The following OSBPL5 variants were observed in gnomAD, a reference collection of about 807,000 sequenced individuals.
OSBPL5 encodes oxysterol-binding protein-related protein 5.
OSBPL5 carries 71 observed loss-of-function variants against 111.2 expected under a neutral mutation model. The observed-to-expected ratio is 0.64, with a 90% CI of 0.53 to 0.78. OSBPL5 has a LOEUF of 0.78. Among genes scored for constraint, OSBPL5 ranks in the 30% least tolerant of loss-of-function variants. OSBPL5 has a pLI of 0.00. For missense variants in OSBPL5, 1,210 were observed against 1,189.3 expected, an observed-to-expected ratio of 1.02 and a Z score of -0.26; for synonymous variants, 549 against 513.9, an observed-to-expected ratio of 1.07 and a Z score of -0.93.
rs1857711888 is a variant in OSBPL5 at position 3,106,871 on chromosome 11, C to T, written c.1059+392G>A. Among the ~76,000 whole-genome samples, 2 of 152,160 alleles carry T rather than the reference C, an allele frequency of 1.3e-5. No homozygotes were observed. Among genetic ancestry groups the T allele is most frequent in the Admixed American group, 6.5e-5 (1 of 15,284 alleles). ...CACCAGGTGTGCAGGTGCCTGTGAG[C>T]ATGGGACTCAGGTCCACACGCCCTC... On this transcript the variant is annotated intron_variant, in intron 9 of 21. Coordinates refer to ENST00000263650, the MANE Select transcript of OSBPL5 (RefSeq NM_020896.4). This position sits in a 1 kb window ranked among gnomAD's most constrained non-coding sequence, Gnocchi z 8.4.
chr11:3,160,613 C>T (rs1846930931), intron 1 of OSBPL5, among the ~76,000 whole-genome samples: 1 of 152,202 alleles, frequency 6.6e-6, no homozygotes, highest in Admixed American at 6.5e-5. Flanking sequence ...GGATGCTCCG[C>T]CCCAACACCA....
In OSBPL5 at chr11:3,087,936, G is replaced by C. The variant is rs963925466; in HGVS notation, c.*269C>G. On this transcript the variant is annotated 3_prime_UTR_variant, in exon 22 of 22. Coordinates refer to ENST00000263650, the MANE Select transcript of OSBPL5 (RefSeq NM_020896.4). ...GGGGGTGACACGGCAAGATGGCCAG[G>C]AGTGCGTCGCACAGCAGAAGCTGCA... 9.8e-5 allele frequency: 32 copies of C among 326,212 alleles called. No homozygotes were observed. The highest frequency in any genetic ancestry group is 1.4e-4 in the Non-Finnish European group (26 of 180,150). 20.2% of individuals were successfully genotyped at this position (326,212 alleles called of 1,614,324 possible).
rs545566839 is a variant in OSBPL5, at chr11:3,129,756, A to T, written c.-21-587T>A. Among the ~76,000 whole-genome samples, 17 of 152,252 alleles carry T rather than the reference A, an allele frequency of 1.1e-4. No homozygotes were observed. In the South Asian group the frequency reaches 3.5e-3, roughly 32 times the overall value. The stretch of plus-strand genomic sequence containing the variant: ...TGGGTGCCCCAACAGTTTCAGTTGC[A>T]CCCACATGCACCCCAGCAAGAGAGG... On this transcript the variant is annotated intron_variant, in intron 1 of 21. Coordinates refer to ENST00000263650, the MANE Select transcript of OSBPL5 (RefSeq NM_020896.4).
At chr11:3,156,069 G>T (rs1426578009) in intron 1 of OSBPL5, among the ~76,000 whole-genome samples, 1 of 152,232 alleles carries the variant, frequency 6.6e-6, no homozygotes, top group Non-Finnish European at 1.5e-5. Flanking sequence ...GCAGAGTAAG[G>T]GTGGGGGTAG....
intron 1 of OSBPL5, among the ~76,000 whole-genome samples, chr11:3,160,672 T>TCCCCCCCCCCCCCCCCCCCC (rs71035491): frequency 3.3e-5 from 4 of 122,442 alleles, no homozygotes; most frequent in South Asian, 3.2e-4. Flanking sequence ...ATGACAACCC[T>TCCCCCCCCCCCCCCCCCCCC]CCCCCCCCCC....
intron 1 of OSBPL5, 142 bp from the exon 2 acceptor site, chr11:3,129,311 G>T: frequency 1.3e-6 from 1 of 776,306 alleles, no homozygotes; most frequent in Non-Finnish European, 1.8e-6. Flanking sequence ...GGCCCTGGGA[G>T]CCTGGTGGTG....
intron 3 of OSBPL5, among the ~76,000 whole-genome samples, chr11:3,124,731 C>A (rs1452335110): frequency 1.3e-5 from 2 of 152,138 alleles, no homozygotes; most frequent in Non-Finnish European, 1.5e-5. Context: ...GTGGCTTCCA[C>A]CAGGGGAGGG....
At chr11:3,134,193 C>T (rs763047033) in intron 1 of OSBPL5, among the ~76,000 whole-genome samples, 2 of 152,212 alleles carry the variant, frequency 1.3e-5, no homozygotes, top group Non-Finnish European at 2.9e-5. Flanking sequence ...TCCAATGTCA[C>T]ATCAGATGCT....
Position 3,107,521 on chromosome 11 carries a change from G to T in OSBPL5, c.867-66C>A. 1 of 1,550,502 alleles carries T rather than the reference G, an allele frequency of 6.4e-7. No individual in the cohort carries two copies. The highest frequency in any genetic ancestry group is 8.9e-7 in the Non-Finnish European group (1 of 1,129,904). On this transcript the variant is annotated intron_variant, in intron 8 of 21. Transcript: ENST00000263650. This position sits in a 1 kb window ranked among gnomAD's most constrained non-coding sequence, Gnocchi z 6.1. The stretch of plus-strand genomic sequence containing the variant: ...AGAGCCCAGCACAGCCCTCTGGGCT[G>T]CCCACCCCTCGCTGCTCCGCACTTC...
rs1040019186 is a variant in OSBPL5, at chr11:3,109,738, G to C, written c.692-1793C>G. Among the ~76,000 whole-genome samples, 1 of 152,180 alleles carries C rather than the reference G, an allele frequency of 6.6e-6. No individual in the cohort carries two copies. Among genetic ancestry groups the C allele is most frequent in the Admixed American group, 6.5e-5 (1 of 15,290 alleles). On this transcript the variant is annotated intron_variant, in intron 7 of 21. Transcript: ENST00000263650. The surrounding 1 kb of genome is among the most constrained non-coding windows in gnomAD (Gnocchi z 7.4). ...TGGGGGAGGGATGGCAGTGGATGGTGGTGGGGAGCTGGAGGGGTCACAACT... is the reference window on the plus strand; with the variant it reads ...TGGGGGAGGGATGGCAGTGGATGGTCGTGGGGAGCTGGAGGGGTCACAACT...
chr11:3,127,900 G>A (rs2121436), intron 2 of OSBPL5, among the ~76,000 whole-genome samples: 100,340 of 152,050 alleles, frequency 0.66, 33,609 homozygotes, highest in African/African-American at 0.71. Context: ...TTCCCAGCAC[G>A]TCTTCTGCAC....
chr11:3,093,389 A>G, intron 17 of OSBPL5, 138 bp downstream of exon 17: 2 of 1,334,458 alleles, frequency 1.5e-6, no homozygotes, highest in South Asian at 2.8e-5. Context: ...GTGATCTGCC[A>G]CCAGGGGTGC....
In OSBPL5 at chr11:3,092,009, GT is replaced by G. The variant is rs1450721823; in HGVS notation, c.2259+422del. Among the ~76,000 whole-genome samples, 1 of 152,178 alleles carries G rather than the reference GT, an allele frequency of 6.6e-6. No individual in the cohort carries two copies. The highest frequency in any genetic ancestry group is 2.4e-5 in the African/African-American group (1 of 41,446). ...GACACACCCAAGGCAGCTTCCTCAG[GT>G]TACTCCCTGGAGCCTCCTGCTGTCC... On this transcript the variant is annotated intron_variant, in intron 19 of 21. Coordinates refer to ENST00000263650, the MANE Select transcript of OSBPL5 (RefSeq NM_020896.4). This position sits in a 1 kb window ranked among gnomAD's most constrained non-coding sequence, Gnocchi z 5.4.
At position 3,161,608 on chromosome 11, in the gene OSBPL5, G is replaced by A. The variant is rs1846969811; in HGVS notation, c.-22+3608C>T. The stretch of plus-strand genomic sequence containing the variant: ...AGCAGACTTGCAGGCAACCGTGCAT[G>A]GGGACAGACACCGCGCACCAGCGGC... On this transcript the variant is annotated intron_variant, in intron 1 of 21. Transcript: ENST00000263650. The surrounding 1 kb of genome is among the most constrained non-coding windows in gnomAD (Gnocchi z 8.0). 6.6e-6 allele frequency among the ~76,000 whole-genome samples: 1 copy of A among 152,200 alleles called. No individual in the cohort carries two copies. Among genetic ancestry groups the A allele is most frequent in the Non-Finnish European group, 1.5e-5 (1 of 68,032 alleles).
In OSBPL5 at chr11:3,121,096, G is replaced by A. The variant is rs914405711; in HGVS notation, c.403-472C>T. On this transcript the variant is annotated intron_variant, in intron 5 of 21. Coordinates refer to ENST00000263650, the MANE Select transcript of OSBPL5 (RefSeq NM_020896.4). This position sits in a 1 kb window ranked among gnomAD's most constrained non-coding sequence, Gnocchi z 4.3. ...TTTTTTTTGAGACAGAGTCTCTGTT[G>A]CCCAGGCTGGAGGTGCAGTGGTGCT... Among the ~76,000 whole-genome samples, 26 of 134,234 alleles carry A rather than the reference G, an allele frequency of 1.9e-4. No individual in the cohort carries two copies. Among genetic ancestry groups the A allele is most frequent in the Admixed American group, 8.2e-4 (10 of 12,162 alleles). The allele number at this position is 134,234 out of a possible 152,430, so 88.1% of individuals were successfully genotyped here.
chr11:3,159,829 C>G (rs1846899484), intron 1 of OSBPL5, among the ~76,000 whole-genome samples: 1 of 152,000 alleles, frequency 6.6e-6, no homozygotes, highest in Admixed American at 6.5e-5. Flanking sequence ...TGATGCTCAC[C>G]CAGCGCTTGT....
chr11:3,104,116 T>G lies in OSBPL5; in HGVS notation c.1244+77A>C. On this transcript the variant is annotated intron_variant, in intron 10 of 21. Coordinates refer to ENST00000263650, the MANE Select transcript of OSBPL5 (RefSeq NM_020896.4). This position sits in a 1 kb window ranked among gnomAD's most constrained non-coding sequence, Gnocchi z 5.0. The stretch of plus-strand genomic sequence containing the variant: ...TCTCTGGAAGCCCCCACAGGGCAGG[T>G]AGGGGCTGGGGGTGCTGCAGGGTCT... 1 of 1,473,718 alleles carries G rather than the reference T, an allele frequency of 6.8e-7. No homozygotes were observed. Among genetic ancestry groups the G allele is most frequent in the Non-Finnish European group, 9.2e-7 (1 of 1,090,368 alleles). 91.3% of individuals were successfully genotyped at this position (1,473,718 alleles called of 1,614,324 possible).
chr11:3,121,470 T>A lies in OSBPL5; in HGVS notation c.402+527A>T, dbSNP rs987417118. Reference sequence around the variant, plus strand: ...GGTATGCGGGTAGAAGGAGCCTACATGGGCCTGGGCTCTGCAGACACCAGG... The same window carrying A: ...GGTATGCGGGTAGAAGGAGCCTACAAGGGCCTGGGCTCTGCAGACACCAGG... On this transcript the variant is annotated intron_variant, in intron 5 of 21. Coordinates refer to ENST00000263650, the MANE Select transcript of OSBPL5 (RefSeq NM_020896.4). The surrounding 1 kb of genome is among the most constrained non-coding windows in gnomAD (Gnocchi z 4.3). Among the ~76,000 whole-genome samples, 1 of 152,110 alleles carries A rather than the reference T, an allele frequency of 6.6e-6. No homozygotes were observed. Among genetic ancestry groups the A allele is most frequent in the Admixed American group, 6.5e-5 (1 of 15,268 alleles).
intron 14 of OSBPL5, among the ~76,000 whole-genome samples, chr11:3,096,915 GA>G (rs1196502231): frequency 7.1e-6 from 1 of 140,672 alleles, no homozygotes; most frequent in Non-Finnish European, 1.6e-5. Context: ...AAATAAAGGG[GA>G]GAAGACGGGA....
Sources: gnomAD v4.1 joint callset for allele counts (sites outside exome capture counted in the v4.1 genomes callset) on GRCh38, gnomAD v4.1.1 for gene constraint, Gnocchi (gnomAD v3.1) non-coding constraint, MANE v1.5 for transcripts, NCBI Gene and HGNC (gene_info 2026-07-23, HGNC 2026-07-21) for gene names.